The following DPY19L1 variants were observed in gnomAD, a reference collection of about 807,000 sequenced individuals.
DPY19L1 encodes the protein protein C-mannosyl-transferase DPY19L1.
In DPY19L1, 35 loss-of-function variants were observed where a neutral mutation model predicts 96.9. That is an observed-to-expected ratio of 0.36 (90% CI 0.28 to 0.48). DPY19L1 has a LOEUF of 0.48. DPY19L1 is among the 20% of genes least tolerant of loss of function. The pLI is 0.99. For missense variants in DPY19L1, 521 were observed against 777.9 expected, an observed-to-expected ratio of 0.67 and a Z score of 3.93; for synonymous variants, 205 against 252.6, an observed-to-expected ratio of 0.81 and a Z score of 1.79.
Position 34,949,911 on chromosome 7 carries a change from A to C in DPY19L1, c.1321-13T>G, listed in dbSNP as rs895311404. 4.4e-5 allele frequency: 62 copies of C among 1,396,752 alleles called. No individual in the cohort carries two copies. The highest frequency in any genetic ancestry group is 5.9e-5 in the Non-Finnish European group (59 of 1,002,770). The allele number at this position is 1,396,752 out of a possible 1,614,324, so 86.5% of individuals were successfully genotyped here. ...TGCCAATATGAGCCTGGTAAGAAATAAAGTTACCATTATATTAAGCCATAC... is the reference window on the plus strand; with the variant it reads ...TGCCAATATGAGCCTGGTAAGAAATCAAGTTACCATTATATTAAGCCATAC... On this transcript the variant is annotated splice_polypyrimidine_tract_variant and intron_variant, in intron 13 of 21. Transcript: ENST00000638088.
intron 10 of DPY19L1, among the ~76,000 whole-genome samples, chr7:34,963,234 A>C (rs1164615807): frequency 2.0e-5 from 3 of 151,926 alleles, no homozygotes; most frequent in Non-Finnish European, 4.4e-5. Flanking sequence ...TATAAACCTA[A>C]AACTTCTCTG....
At chr7:35,026,367 T>C (rs937425674) in intron 1 of DPY19L1, among the ~76,000 whole-genome samples, 2 of 152,184 alleles carry the variant, frequency 1.3e-5, no homozygotes, top group African/African-American at 4.8e-5. Flanking sequence ...GTCTCAACAC[T>C]GACAGCACAC....
intron 1 of DPY19L1, among the ~76,000 whole-genome samples, chr7:35,024,910 C>T (rs1383816189): frequency 2.6e-5 from 4 of 152,156 alleles, no homozygotes; most frequent in Non-Finnish European, 5.9e-5. Flanking sequence ...CCTGGCACTT[C>T]GCTGAGTTAA....
At chr7:34,942,447 GAATA>G (rs1784041945) in intron 17 of DPY19L1, among the ~76,000 whole-genome samples, 164 bp downstream of exon 17, 1 of 152,190 alleles carries the variant, frequency 6.6e-6, no homozygotes, top group South Asian at 2.1e-4. Flanking sequence ...TTTAACAAAT[GAATA>G]GTCAGTGAAT....
At chr7:35,014,292 C>A (rs77323225) in intron 3 of DPY19L1, among the ~76,000 whole-genome samples, 4,258 of 151,968 alleles carry the variant, frequency 0.028, 70 homozygotes, top group Non-Finnish European at 0.044. Context: ...GAACCCTGTG[C>A]GACTGGGGAT....
At chr7:35,015,942 C>A (rs1423901303) in intron 3 of DPY19L1, among the ~76,000 whole-genome samples, 1 of 152,062 alleles carries the variant, frequency 6.6e-6, no homozygotes. Context: ...TACTTTTATT[C>A]CTAACAAATC....
At chr7:34,958,848 A>G (rs1784431636) in intron 10 of DPY19L1, among the ~76,000 whole-genome samples, 1 of 152,212 alleles carries the variant, frequency 6.6e-6, no homozygotes, top group South Asian at 2.1e-4. Context: ...GATGAGACAC[A>G]GCACCTTTTA....
chr7:34,939,392 A>C lies in DPY19L1; in HGVS notation c.1865-17T>G, dbSNP rs780998596. ...ACACTGCATCTGGAAGGCAAGAGGA[A>C]TGTCTCAGGAAGACACTCAGTGAAG... is the stretch of plus-strand genomic sequence containing the variant. On this transcript the variant is annotated splice_polypyrimidine_tract_variant and intron_variant, in intron 19 of 21. Transcript: ENST00000638088. 8.7e-6 allele frequency: 14 copies of C among 1,611,152 alleles called. No individual in the cohort carries two copies. Among genetic ancestry groups the C allele is most frequent in the Non-Finnish European group, 1.2e-5 (14 of 1,177,480 alleles).
At chr7:34,985,066 A>G (rs1156747132) in intron 7 of DPY19L1, among the ~76,000 whole-genome samples, 5 of 152,162 alleles carry the variant, frequency 3.3e-5, no homozygotes. Flanking sequence ...GAAGGGAAGA[A>G]AGAATGAAAG....
At chr7:34,973,347 AAG>A (rs1784766190) in intron 8 of DPY19L1, among the ~76,000 whole-genome samples, 165 bp downstream of exon 8, 1 of 152,206 alleles carries the variant, frequency 6.6e-6, no homozygotes, top group Admixed American at 6.5e-5. Context: ...AGGCTGATAG[AAG>A]AAATGTTTTT....
Position 34,958,009 on chromosome 7 carries a change from T to C in DPY19L1, c.1154A>G (p.Tyr385Cys). ...CCAAATAATTACCAAAGAAGAAGCA[T>C]AATAAGAAGTTAATAACATTGAGTT... ...FGNSMLLTSY[Y>C]ASSLVIIWGI... The change falls in exon 11 of 22, where the codon TAT (tyrosine) becomes TGT (cysteine). Residue 385 changes from tyrosine (Y) to cysteine (C), a missense_variant. Tyr to Cys is a radical substitution (Grantham distance 194). Transcript: ENST00000638088. The C allele has an allele frequency of 1.3e-6, 2 of 1,584,646 alleles. No individual in the cohort carries two copies. Among genetic ancestry groups the C allele is most frequent in the East Asian group, 2.3e-5 (1 of 44,180 alleles).
intron 11 of DPY19L1, among the ~76,000 whole-genome samples, chr7:34,955,890 C>A (rs1435339826): frequency 6.6e-6 from 1 of 152,116 alleles, no homozygotes; most frequent in African/African-American, 2.4e-5. Flanking sequence ...ATAAATACTT[C>A]AAACCAAATT....
intron 7 of DPY19L1, among the ~76,000 whole-genome samples, chr7:34,980,244 C>T (rs1784911629): frequency 6.6e-6 from 1 of 152,096 alleles, no homozygotes; most frequent in Non-Finnish European, 1.5e-5. Flanking sequence ...CTATTTCATA[C>T]TGTATACAAG....
intron 10 of DPY19L1, among the ~76,000 whole-genome samples, chr7:34,959,809 C>A (rs1784453878): frequency 6.7e-6 from 1 of 150,120 alleles, no homozygotes; most frequent in South Asian, 2.1e-4. Context: ...CACGTGTATA[C>A]CTATGTAACA....
intron 6 of DPY19L1, among the ~76,000 whole-genome samples, chr7:34,997,624 A>AG (rs896396316): frequency 4.0e-5 from 6 of 150,834 alleles, no homozygotes; most frequent in African/African-American, 1.2e-4. Context: ...AAAAAAAAAA[A>AG]AAAAAAAAAG....
At chr7:34,972,377 C>T (rs778075407) in intron 8 of DPY19L1, among the ~76,000 whole-genome samples, 9 of 152,302 alleles carry the variant, frequency 5.9e-5, no homozygotes, top group East Asian at 3.9e-4. Flanking sequence ...GCTCAGTCCC[C>T]GGAGCAGCAT....
intron 6 of DPY19L1, among the ~76,000 whole-genome samples, chr7:35,008,652 C>G (rs1785624125): frequency 6.6e-6 from 1 of 152,196 alleles, no homozygotes; most frequent in Non-Finnish European, 1.5e-5. Context: ...GTGACCACAT[C>G]TGTGAATAGT....
chr7:34,991,499 T>A (rs1413282264), intron 6 of DPY19L1, among the ~76,000 whole-genome samples: 1 of 152,164 alleles, frequency 6.6e-6, no homozygotes, highest in Admixed American at 6.5e-5. Context: ...TCCTGAAAGG[T>A]GTACCACATC....
chr7:34,956,743 T>C (rs1784387556), intron 11 of DPY19L1, among the ~76,000 whole-genome samples: 1 of 152,050 alleles, frequency 6.6e-6, no homozygotes, highest in Non-Finnish European at 1.5e-5. Flanking sequence ...GACCTCGTGA[T>C]CCACCTGCCT....
Sources: allele counts gnomAD v4.1 joint callset (sites outside exome capture counted in the v4.1 genomes callset), GRCh38; gene constraint gnomAD v4.1.1; transcripts MANE v1.5; gene names NCBI Gene and HGNC (gene_info 2026-07-23, HGNC 2026-07-21).